FANK1: variants seen among roughly 807,000 people sequenced by gnomAD.
FANK1 encodes the protein fibronectin type 3 and ankyrin repeat domains protein 1.
In FANK1, 44 loss-of-function variants were observed where a neutral mutation model predicts 45.3. The ratio of observed to expected loss-of-function variants is 0.97; its 90% CI spans 0.76 to 1.25. The LOEUF (loss-of-function observed/expected upper bound fraction) is 1.25. Among genes scored for constraint, FANK1 ranks in the 50% most tolerant of loss-of-function variants. The probability of loss-of-function intolerance (pLI) is 0.00; values close to 1 mark genes in which losing one functional copy is unlikely to be tolerated. For missense variants in FANK1, 391 were observed against 424.4 expected (o/e 0.92, Z 0.69); for synonymous variants, 149 against 152.5 (o/e 0.98, Z 0.17).
Position 126,008,391 on chromosome 10 carries a change from T to G in FANK1, c.706-16T>G. On this transcript the variant is annotated splice_polypyrimidine_tract_variant and intron_variant, in intron 7 of 10. Transcript: ENST00000368693. ...AAGAAATTGGGCTCAACACAGCTGT[T>G]TCTCTGGCCCAACAGGTAGACGTCG... The G allele has an allele frequency of 6.3e-7, 1 of 1,575,634 alleles. No individual in the cohort carries two copies. The highest frequency in any genetic ancestry group is 8.6e-7 in the Non-Finnish European group (1 of 1,163,546).
rs146548354 is a variant in FANK1, at chr10:126,008,565, C to T, written c.849+15C>T. The T allele has an allele frequency of 8.1e-5, 128 of 1,588,760 alleles. No homozygotes were observed. In the Admixed American group the frequency reaches 1.2e-3, roughly 15 times the overall value. On this transcript the variant is annotated intron_variant, in intron 8 of 10. Transcript: ENST00000368693. Reference sequence around the variant, plus strand: ...CGCCCCTTATGGTAGGTCCTCCTCCCGAAAATAGGCAGTTTTCTACGTGGA... The same window carrying T: ...CGCCCCTTATGGTAGGTCCTCCTCCTGAAAATAGGCAGTTTTCTACGTGGA...
At chr10:125,907,768 G>GTC (rs1187000724) in intron 1 of FANK1, among the ~76,000 whole-genome samples, 1 of 152,176 alleles carries the variant, frequency 6.6e-6, no homozygotes, top group East Asian at 1.9e-4. Flanking sequence ...AGCAGGTGGT[G>GTC]TCTAGGACCT....
intron 1 of FANK1, among the ~76,000 whole-genome samples, chr10:125,946,826 C>A (rs1362881514): frequency 7.5e-6 from 1 of 133,412 alleles, no homozygotes; most frequent in East Asian, 2.2e-4. Flanking sequence ...TCAGATTCAC[C>A]AAAGTTGAAG....
In FANK1 at chr10:125,939,940, T is replaced by A. The variant is rs189610634; in HGVS notation, c.14-40221T>A. On this transcript the variant is annotated intron_variant, in intron 1 of 10. Transcript: ENST00000368693. ...TGTCATTATTATTATTATTATTTTT[T>A]TTTTTTTTGAGACAGAGTCTCGCTC... Among the ~76,000 whole-genome samples, 732 of 151,836 alleles carry A rather than the reference T, an allele frequency of 4.8e-3. 2 individuals are homozygous for A. The highest frequency in any genetic ancestry group is 1.0e-2 in the African/African-American group (413 of 41,418).
At chr10:126,008,603 G>C in intron 8 of FANK1, 53 bp downstream of exon 8, 1 of 1,552,158 alleles carries the variant, frequency 6.4e-7, no homozygotes, top group Non-Finnish European at 8.7e-7. Context: ...TAATGTCAGA[G>C]CTTTTTCTGT....
At chr10:125,992,172 T>C (rs1951994244) in intron 3 of FANK1, among the ~76,000 whole-genome samples, 1 of 152,228 alleles carries the variant, frequency 6.6e-6, no homozygotes, top group African/African-American at 2.4e-5. Context: ...GTGGGAGGAA[T>C]GAAACATTCT....
intron 1 of FANK1, among the ~76,000 whole-genome samples, chr10:125,943,355 C>T (rs1395982641): frequency 6.6e-6 from 1 of 151,812 alleles, no homozygotes; most frequent in South Asian, 2.1e-4. Context: ...AATTAATATA[C>T]CACAAAACTC....
intron 1 of FANK1, among the ~76,000 whole-genome samples, chr10:125,946,296 G>T (rs1056524273): frequency 2.7e-5 from 4 of 149,942 alleles, no homozygotes; most frequent in Admixed American, 2.0e-4. Flanking sequence ...GGCTTCAGAC[G>T]ATCAAATTAC....
chr10:125,983,123 T>C lies in FANK1; in HGVS notation c.191+2785T>C, dbSNP rs2366344. Among the ~76,000 whole-genome samples the C allele has an allele frequency of 0.39, 59,901 of 152,064 alleles. 11,987 individuals are homozygous for C. Among genetic ancestry groups the C allele is most frequent in the South Asian group, 0.45 (2,178 of 4,814 alleles). The stretch of plus-strand genomic sequence containing the variant: ...AGCACAAACCCTCCAGTCAGATTTC[T>C]TACTGTCCTTTGAATATGCCTTGAC... On this transcript the variant is annotated intron_variant, in intron 2 of 10. Coordinates refer to ENST00000368693, the MANE Select transcript of FANK1 (RefSeq NM_145235.5). This position sits in a 1 kb window ranked among gnomAD's most constrained non-coding sequence, Gnocchi z 4.3.
At chr10:125,961,283 A>T (rs568263053) in intron 1 of FANK1, among the ~76,000 whole-genome samples, 4 of 152,082 alleles carry the variant, frequency 2.6e-5, no homozygotes, top group African/African-American at 7.2e-5. Context: ...ACTTTTAAAA[A>T]TTTTCTGTGG....
chr10:125,903,161 A>T (rs1370471080), intron 1 of FANK1, among the ~76,000 whole-genome samples: 3 of 152,310 alleles, frequency 2.0e-5, no homozygotes, highest in Non-Finnish European at 4.4e-5. Context: ...CCTGGGCTTT[A>T]CTTCTTGATG....
chr10:125,911,622 G>A (rs111252217), intron 1 of FANK1, among the ~76,000 whole-genome samples: 1 of 152,170 alleles, frequency 6.6e-6, no homozygotes, highest in Admixed American at 6.5e-5. Context: ...TCCTCTAGAC[G>A]GGTTATACCA....
chr10:125,913,334 C>T (rs1252019820), intron 1 of FANK1, among the ~76,000 whole-genome samples: 3 of 150,850 alleles, frequency 2.0e-5, no homozygotes, highest in Admixed American at 6.6e-5. Context: ...CACCTAAATG[C>T]TGCATGACAC....
intron 3 of FANK1, chr10:125,994,242 A>T (rs1218924962): frequency 3.1e-6 from 1 of 320,774 alleles, no homozygotes; most frequent in Non-Finnish European, 4.5e-6. Context: ...GTAGGAGTGG[A>T]TATTTTCTTT....
chr10:125,995,010 A>G, intron 3 of FANK1: 1 of 916,728 alleles, frequency 1.1e-6, no homozygotes, highest in Non-Finnish European at 1.3e-6. Flanking sequence ...CAAATGTTAA[A>G]GCACTTTGTC....
intron 2 of FANK1, among the ~76,000 whole-genome samples, chr10:125,984,265 A>G (rs1951413400): frequency 6.6e-6 from 1 of 152,162 alleles, no homozygotes; most frequent in Admixed American, 6.5e-5. Context: ...CTGCGTGAAC[A>G]TTGTCAGTCA....
intron 1 of FANK1, among the ~76,000 whole-genome samples, chr10:125,945,012 GTTC>G (rs756063428): frequency 9.9e-5 from 15 of 152,224 alleles, no homozygotes; most frequent in East Asian, 7.7e-4. Flanking sequence ...ACCTTCCACT[GTTC>G]TTCTTAGTAC....
intron 1 of FANK1, chr10:125,973,726 TAA>T (rs1379121330): frequency 6.6e-6 from 1 of 152,394 alleles, no homozygotes; most frequent in African/African-American, 2.4e-5. Flanking sequence ...ATATATGTCA[TAA>T]AGTCTTTTCA....
In FANK1 at chr10:125,983,970, A is replaced by G. The variant is rs1951388025; in HGVS notation, c.191+3632A>G. ...AAACAGTTTAGGTGGGAGACAACAC[A>G]ACAGTGTGGAAAGTGGGAGGATGCA... On this transcript the variant is annotated intron_variant, in intron 2 of 10. Transcript: ENST00000368693. The surrounding 1 kb of genome is among the most constrained non-coding windows in gnomAD (Gnocchi z 4.3). Among the ~76,000 whole-genome samples, 1 of 152,182 alleles carries G rather than the reference A, an allele frequency of 6.6e-6. No individual in the cohort carries two copies. The highest frequency in any genetic ancestry group is 1.5e-5 in the Non-Finnish European group (1 of 68,020).
Sources: allele counts gnomAD v4.1 joint callset (sites outside exome capture counted in the v4.1 genomes callset), GRCh38; gene constraint gnomAD v4.1.1; non-coding constraint Gnocchi (gnomAD v3.1); transcripts MANE v1.5; gene names NCBI Gene and HGNC (gene_info 2026-07-23, HGNC 2026-07-21).